Variants in CRPPA observed in about 807,000 individuals in gnomAD.
CRPPA encodes CDP-L-ribitol pyrophosphorylase A.
In CRPPA, 43 loss-of-function variants were observed where a neutral mutation model predicts 52.0. The observed-to-expected ratio is 0.83, with a 90% CI of 0.65 to 1.07. CRPPA has a LOEUF of 1.07. Ranked by LOEUF, CRPPA falls within the 50% of genes least tolerant of loss-of-function variation. The pLI, the probability that CRPPA is intolerant of heterozygous loss-of-function variation, is 0.00. For synonymous variants in CRPPA, 250 were observed against 203.5 expected (o/e 1.23, Z -1.94); for missense variants, 629 against 551.7 (o/e 1.14, Z -1.40).
intron 8 of CRPPA, among the ~76,000 whole-genome samples, chr7:16,238,084 C>A (rs1583455587): frequency 6.6e-6 from 1 of 152,134 alleles, no homozygotes; most frequent in African/African-American, 2.4e-5. Context: ...TCCTGGCTAA[C>A]TCTGGTCATT....
intron 9 of CRPPA, among the ~76,000 whole-genome samples, chr7:16,149,096 T>C (rs1190048829): frequency 6.6e-6 from 1 of 152,166 alleles, no homozygotes; most frequent in Admixed American, 6.5e-5. Flanking sequence ...AATAAACATA[T>C]TTAGAGTATG....
At chr7:16,371,029 G>C (rs1258734568) in intron 3 of CRPPA, among the ~76,000 whole-genome samples, 3 of 152,196 alleles carry the variant, frequency 2.0e-5, no homozygotes, top group African/African-American at 7.2e-5. Flanking sequence ...CACTGGAACA[G>C]GAGTGAGGCT....
At chr7:16,355,570 G>C (rs944656486) in intron 3 of CRPPA, among the ~76,000 whole-genome samples, 4 of 152,170 alleles carry the variant, frequency 2.6e-5, no homozygotes, top group African/African-American at 9.7e-5. Flanking sequence ...GTTTCTCAAA[G>C]TCAGAGTTAG....
chr7:16,309,510 T>G (rs1024513052), intron 3 of CRPPA, among the ~76,000 whole-genome samples: 2 of 152,200 alleles, frequency 1.3e-5, no homozygotes, highest in African/African-American at 4.8e-5. Context: ...TGGCTTGATC[T>G]CCAACAGCAG....
At chr7:16,156,377 G>T (rs903053800) in intron 9 of CRPPA, among the ~76,000 whole-genome samples, 16 of 152,300 alleles carry the variant, frequency 1.1e-4, no homozygotes, top group African/African-American at 3.8e-4. Flanking sequence ...TGTGCCAAAG[G>T]GTTAACGTCT....
chr7:16,202,774 A>C (rs911889616), intron 9 of CRPPA, among the ~76,000 whole-genome samples: 1 of 152,198 alleles, frequency 6.6e-6, no homozygotes, highest in Non-Finnish European at 1.5e-5. Flanking sequence ...AAACAGTATA[A>C]ACAAACTATT....
intron 3 of CRPPA, among the ~76,000 whole-genome samples, chr7:16,333,600 TTATC>T (rs1298759470): frequency 6.6e-6 from 1 of 152,098 alleles, no homozygotes; most frequent in Admixed American, 6.5e-5. Flanking sequence ...AAAGAATAAA[TTATC>T]TAAGCTTCCA....
chr7:16,177,112 G>A (rs541174088), intron 9 of CRPPA, among the ~76,000 whole-genome samples: 2 of 152,200 alleles, frequency 1.3e-5, no homozygotes, highest in East Asian at 3.9e-4. Flanking sequence ...AAACTATAAT[G>A]ACAGAAGAGA....
chr7:16,230,701 T>C (rs1782769370), intron 8 of CRPPA, among the ~76,000 whole-genome samples: 1 of 152,196 alleles, frequency 6.6e-6, no homozygotes, highest in South Asian at 2.1e-4. Flanking sequence ...TTCTTGATTG[T>C]TCTTGATGCT....
At chr7:16,396,538 A>G (rs1787576287) in intron 2 of CRPPA, among the ~76,000 whole-genome samples, 1 of 152,232 alleles carries the variant, frequency 6.6e-6, no homozygotes, top group Non-Finnish European at 1.5e-5. Context: ...ATCTAAAAGT[A>G]GAACTACCAT....
intron 3 of CRPPA, among the ~76,000 whole-genome samples, chr7:16,355,392 G>A (rs926652550): frequency 3.9e-5 from 6 of 152,080 alleles, no homozygotes; most frequent in African/African-American, 1.2e-4. Flanking sequence ...TGTCTTCACC[G>A]CTACAACTCA....
intron 2 of CRPPA, among the ~76,000 whole-genome samples, chr7:16,376,519 A>T (rs1404993839): frequency 2.6e-5 from 4 of 152,218 alleles, no homozygotes; most frequent in African/African-American, 4.8e-5. Flanking sequence ...ACTAAAAAAA[A>T]AGATGCTAAG....
At chr7:16,379,913 T>A (rs551001559) in intron 2 of CRPPA, among the ~76,000 whole-genome samples, 37 of 152,330 alleles carry the variant, frequency 2.4e-4, no homozygotes, top group African/African-American at 8.9e-4. Flanking sequence ...GTTTTCTAGA[T>A]ATACAATCAT....
intron 5 of CRPPA, among the ~76,000 whole-genome samples, chr7:16,299,723 T>C (rs1381041285): frequency 6.6e-6 from 1 of 152,184 alleles, no homozygotes; most frequent in Non-Finnish European, 1.5e-5. Context: ...TAGAACATGT[T>C]TTAAATACTT....
Position 16,099,566 on chromosome 7 carries a change from C to A in CRPPA, c.1252-7767G>T, listed in dbSNP as rs538096150. Reference sequence around the variant, plus strand: ...GTTGGTCAATAAAATTCAGTAAAACCCTGTAAGGCAGCACCGATACTTTAC... The same window carrying A: ...GTTGGTCAATAAAATTCAGTAAAACACTGTAAGGCAGCACCGATACTTTAC... On this transcript the variant is annotated intron_variant, in intron 9 of 9. Transcript: ENST00000407010. Among the ~76,000 whole-genome samples, 308 of 151,976 alleles carry A rather than the reference C, an allele frequency of 2.0e-3. 3 individuals are homozygous for A. The highest frequency in any genetic ancestry group is 5.0e-4 in the Non-Finnish European group (34 of 67,916).
chr7:16,322,466 C>T (rs1433220814), intron 3 of CRPPA, among the ~76,000 whole-genome samples: 1 of 152,008 alleles, frequency 6.6e-6, no homozygotes, highest in Non-Finnish European at 1.5e-5. Flanking sequence ...AATATGACAG[C>T]CTAGAAAAAC....
intron 2 of CRPPA, among the ~76,000 whole-genome samples, chr7:16,395,457 G>C (rs900637873): frequency 6.6e-6 from 1 of 152,134 alleles, no homozygotes; most frequent in Non-Finnish European, 1.5e-5. Context: ...TTATTGAAAG[G>C]CTTAATCAGT....
At chr7:16,247,897 A>G (rs144069282) in intron 8 of CRPPA, 294 of 152,272 alleles carry the variant, frequency 1.9e-3, no homozygotes, top group African/African-American at 6.4e-3. Flanking sequence ...TGGTACAGGA[A>G]CAACAGAGAG....
chr7:16,268,772 T>C (rs976786770), intron 6 of CRPPA: 1 of 152,172 alleles, frequency 6.6e-6, no homozygotes, highest in African/African-American at 2.4e-5. Flanking sequence ...TTTAAAAATA[T>C]TGCTTATGGC....
Sources: allele counts gnomAD v4.1 joint callset (sites outside exome capture counted in the v4.1 genomes callset), GRCh38; gene constraint gnomAD v4.1.1; transcripts MANE v1.5; gene names NCBI Gene and HGNC (gene_info 2026-07-23, HGNC 2026-07-21).